OXNAD1: variants seen among roughly 807,000 people sequenced by gnomAD.
OXNAD1 encodes the protein oxidoreductase NAD-binding domain-containing protein 1.
OXNAD1 carries 34 observed loss-of-function variants against 32.9 expected under a neutral mutation model. The observed-to-expected ratio is 1.03, with a 90% CI of 0.79 to 1.38. The LOEUF is 1.38. OXNAD1 is among the 40% of genes most tolerant of loss of function. The pLI, the probability that OXNAD1 is intolerant of heterozygous loss-of-function variation, is 0.00. For missense variants in OXNAD1, 407 were observed against 379.4 expected (o/e 1.07, Z -0.60); for synonymous variants, 134 against 135.2 (o/e 0.99, Z 0.06).
intron 5 of OXNAD1, 41 bp from the exon 6 acceptor site, chr3:16,294,815 A>G: frequency 6.4e-7 from 1 of 1,566,846 alleles, no homozygotes; most frequent in Non-Finnish European, 8.6e-7. Flanking sequence ...CAATTTTTAA[A>G]ATTGCTTCAA....
At chr3:16,331,940 C>T (rs1294202143) in intron 9 of OXNAD1, among the ~76,000 whole-genome samples, 3 of 152,190 alleles carry the variant, frequency 2.0e-5, no homozygotes, top group African/African-American at 7.2e-5. Context: ...GAAAGTACCT[C>T]TAGTAGTTTC....
chr3:16,285,739 T>C (rs1419251653), intron 4 of OXNAD1, among the ~76,000 whole-genome samples: 12 of 152,216 alleles, frequency 7.9e-5, no homozygotes. Flanking sequence ...AAATATCGTG[T>C]GATAAAAAAT....
rs867395432 is a variant in OXNAD1 at position 16,298,967 on chromosome 3, C to T, written c.433-2659C>T. ...GACAAAGATGGCTTTTAATTCTTCC[C>T]GGATGCTACCAAATCAGAATACAGA... On this transcript the variant is annotated intron_variant, in intron 6 of 8. Transcript: ENST00000285083. This position sits in a 1 kb window ranked among gnomAD's most constrained non-coding sequence, Gnocchi z 5.1. Among the ~76,000 whole-genome samples, 5 of 152,172 alleles carry T rather than the reference C, an allele frequency of 3.3e-5. No individual in the cohort carries two copies. The highest frequency in any genetic ancestry group is 1.9e-4 in the East Asian group (1 of 5,202).
intron 4 of OXNAD1, chr3:16,276,540 T>G (rs1268492104): frequency 6.0e-6 from 1 of 166,798 alleles, no homozygotes; most frequent in African/African-American, 2.4e-5. Flanking sequence ...TTTTACCACT[T>G]TTCAAGTGTT....
chr3:16,309,103 A>ATATACAACTGTGGGTACC (rs2067775044), downstream of OXNAD1, among the ~76,000 whole-genome samples: 1 of 152,178 alleles, frequency 6.6e-6, no homozygotes, highest in Non-Finnish European at 1.5e-5. Context: ...TCTTGTATAC[A>ATATACAACTGTGGGTACC]TATACAACTG....
At chr3:16,294,202 C>CT (rs200164799) in intron 5 of OXNAD1, among the ~76,000 whole-genome samples, 3,142 of 144,056 alleles carry the variant, frequency 0.022, 52 homozygotes, top group Middle Eastern at 0.051. Flanking sequence ...CTGAGCCTTT[C>CT]TTTTTTTTTT....
rs1016975986 is a variant in OXNAD1, at chr3:16,290,782, A to G, written c.291-4074A>G. On this transcript the variant is annotated intron_variant, in intron 5 of 8. Coordinates refer to ENST00000285083, the MANE Select transcript of OXNAD1 (RefSeq NM_138381.5). This position sits in a 1 kb window ranked among gnomAD's most constrained non-coding sequence, Gnocchi z 4.2. ...ACTGGTTTTTAAACACTTATAATAA[A>G]TGACTGGAAATGTAAGGCCATAGAC... is the stretch of plus-strand genomic sequence containing the variant. Among the ~76,000 whole-genome samples, 1 of 152,254 alleles carries G rather than the reference A, an allele frequency of 6.6e-6. No individual in the cohort carries two copies. Among genetic ancestry groups the G allele is most frequent in the African/African-American group, 2.4e-5 (1 of 41,466 alleles).
downstream of OXNAD1, among the ~76,000 whole-genome samples, chr3:16,307,997 T>C (rs2067689185): frequency 6.6e-6 from 1 of 152,210 alleles, no homozygotes; most frequent in Non-Finnish European, 1.5e-5. Flanking sequence ...GTTAGGGAAG[T>C]GACACCTTCT....
Position 16,305,285 on chromosome 3 carries a change from A to G in OXNAD1, c.*1723A>G, listed in dbSNP as rs1025892951. 4 of 152,236 alleles carry G rather than the reference A, an allele frequency of 2.6e-5. No homozygotes were observed. Among genetic ancestry groups the G allele is most frequent in the African/African-American group, 9.7e-5 (4 of 41,440 alleles). 9.4% of individuals were successfully genotyped at this position (152,236 alleles called of 1,614,324 possible). ...GGTGCAAAGTGAGCATCTCCAGTGC[A>G]GCATGGGATGGGAAGATAGGGAGGT... On this transcript the variant is annotated 3_prime_UTR_variant, in exon 9 of 9. Transcript: ENST00000285083. This position sits in a 1 kb window ranked among gnomAD's most constrained non-coding sequence, Gnocchi z 4.5.
rs2065396200 is a variant in OXNAD1 at position 16,277,116 on chromosome 3, A to G, written c.183+5394A>G. Among the ~76,000 whole-genome samples the G allele has an allele frequency of 6.6e-6, 1 of 151,622 alleles. No individual in the cohort carries two copies. The highest frequency in any genetic ancestry group is 2.4e-5 in the African/African-American group (1 of 41,228). On this transcript the variant is annotated intron_variant, in intron 4 of 8. Transcript: ENST00000285083. This position sits in a 1 kb window ranked among gnomAD's most constrained non-coding sequence, Gnocchi z 4.3. ...ACTTTTTTTTGTATTTTTAGTAGAG[A>G]CGGGGTTTCACTGTGTTGGCCAGGC...
At chr3:16,267,604 C>T (rs1387123992) in intron 1 of OXNAD1, among the ~76,000 whole-genome samples, 1 of 152,190 alleles carries the variant, frequency 6.6e-6, no homozygotes, top group Admixed American at 6.5e-5. Context: ...TCATTCAGAT[C>T]TCAGCCAAGG....
In OXNAD1 at chr3:16,305,515, A is replaced by G. The variant is rs1435872611; in HGVS notation, c.*1953A>G. 4 of 152,260 alleles carry G rather than the reference A, an allele frequency of 2.6e-5. No homozygotes were observed. The highest frequency in any genetic ancestry group is 5.9e-5 in the Non-Finnish European group (4 of 68,084). 9.4% of individuals were successfully genotyped at this position (152,260 alleles called of 1,614,324 possible). On this transcript the variant is annotated 3_prime_UTR_variant, in exon 9 of 9. Transcript: ENST00000285083. This position sits in a 1 kb window ranked among gnomAD's most constrained non-coding sequence, Gnocchi z 4.5. ...GCCATTATTCTGGTGCTAAGTGCTG[A>G]AGAACATTTTCAGGTCTAGCCGAGA...
rs1185962480 is a variant in OXNAD1 at position 16,271,977 on chromosome 3, G to A, written c.183+255G>A. Among the ~76,000 whole-genome samples, 2 of 152,190 alleles carry A rather than the reference G, an allele frequency of 1.3e-5. No homozygotes were observed. The highest frequency in any genetic ancestry group is 2.4e-5 in the African/African-American group (1 of 41,452). ...TGATGAAGCAAGTAGAGCAGCAACT[G>A]AGGGAGCCATCCTCACAGGTATGAT... On this transcript the variant is annotated intron_variant, in intron 4 of 8. Coordinates refer to ENST00000285083, the MANE Select transcript of OXNAD1 (RefSeq NM_138381.5). This position sits in a 1 kb window ranked among gnomAD's most constrained non-coding sequence, Gnocchi z 4.6.
downstream of OXNAD1, among the ~76,000 whole-genome samples, chr3:16,337,777 T>C (rs1279861387): frequency 6.6e-6 from 1 of 151,932 alleles, no homozygotes; most frequent in Non-Finnish European, 1.5e-5. The surrounding 1 kb of genome is among the most constrained non-coding windows in gnomAD (Gnocchi z 5.0). Flanking sequence ...GTCACCTCAT[T>C]TGATTTGAGA....
downstream of OXNAD1, among the ~76,000 whole-genome samples, chr3:16,350,774 A>G (rs893356294): frequency 1.3e-5 from 2 of 152,194 alleles, no homozygotes; most frequent in Non-Finnish European, 2.9e-5. Context: ...CATCCCTATC[A>G]CAGGAAAAAG....
At chr3:16,270,921 A>C in intron 2 of OXNAD1, 24 bp from the exon 3 acceptor site, 1 of 1,613,366 alleles carries the variant, frequency 6.2e-7, no homozygotes, top group Non-Finnish European at 8.5e-7. Context: ...AACAATTTGA[A>C]ATTTCAGTTT....
In OXNAD1 at chr3:16,314,909, T is replaced by C. The variant is rs952895589; in HGVS notation, c.*30+11317T>C. 6.6e-6 allele frequency: 1 copy of C among 152,178 alleles called. No individual in the cohort carries two copies. The highest frequency in any genetic ancestry group is 6.5e-5 in the Admixed American group (1 of 15,282). 9.4% of individuals were successfully genotyped at this position (152,178 alleles called of 1,614,324 possible). A position where few individuals can be genotyped will look rare whatever the true frequency, so the allele number is the denominator to read the frequency against. On this transcript the variant is annotated intron_variant, in intron 9 of 9. Coordinates refer to the OXNAD1 transcript ENST00000435829. This position sits in a 1 kb window ranked among gnomAD's most constrained non-coding sequence, Gnocchi z 4.4. Reference sequence around the variant, plus strand: ...TTAAGATATGTGCCAAGAGATAATGTTTTTATTAAATCAAAATGCTGTATA... The same window carrying C: ...TTAAGATATGTGCCAAGAGATAATGCTTTTATTAAATCAAAATGCTGTATA...
intron 9 of OXNAD1, among the ~76,000 whole-genome samples, chr3:16,311,320 G>A (rs749191476): frequency 0.16 from 22 of 140 alleles, no homozygotes; most frequent in Admixed American, 0.25. Context: ...TCAGCTTCCC[G>A]AGTAGCTGGG....
In OXNAD1 at chr3:16,312,170, T is replaced by C. The variant is rs1304542679; in HGVS notation, c.*30+8578T>C. ...TGGTGAACATCACTTTGCTTCCTTCTCTGGCAACAGCTGCCTCAGAAACCT... is the reference window on the plus strand; with the variant it reads ...TGGTGAACATCACTTTGCTTCCTTCCCTGGCAACAGCTGCCTCAGAAACCT... On this transcript the variant is annotated intron_variant, in intron 9 of 9. Coordinates refer to the OXNAD1 transcript ENST00000435829. This position sits in a 1 kb window ranked among gnomAD's most constrained non-coding sequence, Gnocchi z 4.7. 2.0e-5 allele frequency among the ~76,000 whole-genome samples: 3 copies of C among 152,224 alleles called. No homozygotes were observed. Among genetic ancestry groups the C allele is most frequent in the Non-Finnish European group, 4.4e-5 (3 of 68,038 alleles).
Sources: gnomAD v4.1 joint callset for allele counts (sites outside exome capture counted in the v4.1 genomes callset) on GRCh38, gnomAD v4.1.1 for gene constraint, Gnocchi (gnomAD v3.1) non-coding constraint, MANE v1.5 for transcripts, NCBI Gene and HGNC (gene_info 2026-07-23, HGNC 2026-07-21) for gene names.